The following ABCB11 variants were observed in gnomAD, a reference collection of about 807,000 sequenced individuals.
ABCB11 encodes ATP binding cassette subfamily B member 11.
A neutral mutation model predicts 148.0 loss-of-function variants in ABCB11; 95 were observed. That is an observed-to-expected ratio of 0.64 (90% CI 0.54 to 0.76). The LOEUF (loss-of-function observed/expected upper bound fraction) is 0.76. Ranked by LOEUF, ABCB11 falls within the 30% of genes least tolerant of loss-of-function variation. ABCB11 has a pLI of 0.00. For synonymous variants in ABCB11, 591 were observed against 555.4 expected, an observed-to-expected ratio of 1.06 and a Z score of -0.90; for missense variants, 1,523 against 1,617.8, an observed-to-expected ratio of 0.94 and a Z score of 1.01.
At chr2:168,959,659 A>G (rs1214428846) in intron 18 of ABCB11, among the ~76,000 whole-genome samples, 1 of 151,606 alleles carries the variant, frequency 6.6e-6, no homozygotes, top group Non-Finnish European at 1.5e-5. Context: ...GAGGACAAAG[A>G]AGATGTCTTC....
chr2:168,947,408 T>C (rs1189661945), intron 19 of ABCB11, among the ~76,000 whole-genome samples: 1 of 151,642 alleles, frequency 6.6e-6, no homozygotes, highest in Non-Finnish European at 1.5e-5. Context: ...TTGGCACATT[T>C]TCCAAGTCAA....
chr2:168,955,236 A>G (rs1360850720), intron 19 of ABCB11, among the ~76,000 whole-genome samples: 1 of 151,654 alleles, frequency 6.6e-6, no homozygotes. Context: ...TAAATTATTT[A>G]CCCGGCATTT....
chr2:168,949,157 A>T (rs1285074925), intron 19 of ABCB11, among the ~76,000 whole-genome samples: 2 of 151,644 alleles, frequency 1.3e-5, no homozygotes, highest in African/African-American at 4.8e-5. Context: ...TGTGTGTGTG[A>T]ATTTCAGCCA....
chr2:168,974,507 A>C (rs1424284720), intron 12 of ABCB11, among the ~76,000 whole-genome samples: 1 of 151,932 alleles, frequency 6.6e-6, no homozygotes, highest in Admixed American at 6.6e-5. Context: ...TGTGTCACAA[A>C]ACCTCACGCC....
Position 168,923,442 on chromosome 2 carries a change from G to C in ABCB11, c.*180C>G. On this transcript the variant is annotated 3_prime_UTR_variant, in exon 28 of 28. Coordinates refer to ENST00000650372, the MANE Select transcript of ABCB11 (RefSeq NM_003742.4). ...ACACATCTAAAGCAGAATTATTATG[G>C]AAGGCCATTAGAAATTAGCTTGGAT... The C allele has an allele frequency of 1.6e-6, 1 of 636,036 alleles. No homozygotes were observed. The highest frequency in any genetic ancestry group is 2.7e-5 in the East Asian group (1 of 36,578). 39.4% of individuals were successfully genotyped at this position (636,036 alleles called of 1,614,324 possible). A position where few individuals can be genotyped will look rare whatever the true frequency, so the allele number is the denominator to read the frequency against.
chr2:169,008,208 C>T (rs755343595), intron 5 of ABCB11, among the ~76,000 whole-genome samples: 55 of 152,118 alleles, frequency 3.6e-4, no homozygotes, highest in Non-Finnish European at 7.1e-4. Flanking sequence ...AGATGTATCC[C>T]CTCACATGCC....
At position 168,923,467 on chromosome 2, in the gene ABCB11, T is replaced by C. The variant is rs1001714565; in HGVS notation, c.*155A>G. Reference sequence around the variant, plus strand: ...GAAGGCCATTAGAAATTAGCTTGGATTCCGATGTAGGAAAATGACTGTAAA... The same window carrying C: ...GAAGGCCATTAGAAATTAGCTTGGACTCCGATGTAGGAAAATGACTGTAAA... On this transcript the variant is annotated 3_prime_UTR_variant, in exon 28 of 28. Coordinates refer to ENST00000650372, the MANE Select transcript of ABCB11 (RefSeq NM_003742.4). The C allele has an allele frequency of 1.4e-6, 1 of 690,726 alleles. No homozygotes were observed. The allele number at this position is 690,726 out of a possible 1,614,324, so 42.8% of individuals were successfully genotyped here.
Position 168,990,825 on chromosome 2 carries a change from C to T in ABCB11, c.884G>A (p.Gly295Asp), listed in dbSNP as rs781303951. 16 of 1,613,002 alleles carry T rather than the reference C, an allele frequency of 9.9e-6. No individual in the cohort carries two copies. Among genetic ancestry groups the T allele is most frequent in the South Asian group, 1.1e-5 (1 of 91,052 alleles). ...CCTTTCAACCTCTCTTTTCTCACCACCAAAAGCAGCCACTGTTCTCATTGA... is the reference window on the plus strand; with the variant it reads ...CCTTTCAACCTCTCTTTTCTCACCATCAAAAGCAGCCACTGTTCTCATTGA... ...ISSMRTVAAFGGEKREVERYE... is the reference protein window; with the variant it reads ...ISSMRTVAAFDGEKREVERYE... Residue 295 changes from glycine to aspartate, a missense_variant, in exon 9 of 28, where the codon GGT becomes GAT. Physicochemically the swap from Gly to Asp is moderately conservative, Grantham distance 94. Coordinates refer to ENST00000650372, the MANE Select transcript of ABCB11 (RefSeq NM_003742.4).
At chr2:168,997,148 A>G (rs1259230950) in intron 5 of ABCB11, among the ~76,000 whole-genome samples, 2 of 152,088 alleles carry the variant, frequency 1.3e-5, no homozygotes, top group Non-Finnish European at 2.9e-5. Flanking sequence ...AAAGCCAGAC[A>G]GGCTGTCTGA....
At chr2:169,017,300 T>A (rs1695393265) in intron 2 of ABCB11, among the ~76,000 whole-genome samples, 1 of 152,096 alleles carries the variant, frequency 6.6e-6, no homozygotes, top group South Asian at 2.1e-4. Flanking sequence ...CCACATACTG[T>A]TTTCCCCAGT....
At chr2:168,970,778 G>A (rs1002215157) in intron 14 of ABCB11, among the ~76,000 whole-genome samples, 1 of 151,964 alleles carries the variant, frequency 6.6e-6, no homozygotes, top group Admixed American at 6.6e-5. Context: ...CCCCTACTAT[G>A]AATAAAGCAT....
At chr2:169,001,086 T>A (rs1694857214) in intron 5 of ABCB11, among the ~76,000 whole-genome samples, 1 of 152,190 alleles carries the variant, frequency 6.6e-6, no homozygotes, top group African/African-American at 2.4e-5. Flanking sequence ...GTGAAATATA[T>A]AAAGATTACC....
At chr2:168,968,064 T>C (rs1000167579) in intron 17 of ABCB11, among the ~76,000 whole-genome samples, 6 of 151,946 alleles carry the variant, frequency 3.9e-5, no homozygotes, top group African/African-American at 1.4e-4. Context: ...AGGCATGAAT[T>C]TGACCTTCAC....
intron 1 of ABCB11, among the ~76,000 whole-genome samples, chr2:169,024,389 A>T (rs1393236095): frequency 6.6e-6 from 1 of 152,090 alleles, no homozygotes; most frequent in Non-Finnish European, 1.5e-5. Context: ...ACAGAAAATA[A>T]TTTTTTTCTT....
At chr2:169,020,985 C>T (rs1240577737) in intron 1 of ABCB11, among the ~76,000 whole-genome samples, 1 of 149,726 alleles carries the variant, frequency 6.7e-6, no homozygotes, top group Non-Finnish European at 1.5e-5. Flanking sequence ...TTTTCTGAGA[C>T]CAAGTCTTGC....
At chr2:168,927,446 G>T in intron 25 of ABCB11, 84 bp from the exon 26 acceptor site, 1 of 1,172,670 alleles carries the variant, frequency 8.5e-7, no homozygotes, top group Non-Finnish European at 1.2e-6. Flanking sequence ...TAGGTGTTAT[G>T]CAGGACATTT....
intron 19 of ABCB11, among the ~76,000 whole-genome samples, chr2:168,948,891 C>G (rs1331839424): frequency 6.6e-6 from 1 of 151,616 alleles, no homozygotes; most frequent in Non-Finnish European, 1.5e-5. Flanking sequence ...TGTGGATTAT[C>G]CAGGTTTTTC....
intron 5 of ABCB11, among the ~76,000 whole-genome samples, chr2:169,001,879 C>T (rs931070077): frequency 1.3e-5 from 2 of 152,084 alleles, no homozygotes; most frequent in African/African-American, 4.8e-5. Flanking sequence ...CTCCTGAGGG[C>T]TCTAGCCAGT....
chr2:168,986,208 C>A lies in ABCB11; in HGVS notation c.985G>T (p.Val329Leu). Residue 329 changes from valine (V) to leucine (L), a missense_variant, in exon 10 of 28, where the codon GTG becomes TTG. Physicochemically the swap from Val to Leu is conservative, Grantham distance 32. Coordinates refer to ENST00000650372, the MANE Select transcript of ABCB11 (RefSeq NM_003742.4). ...GIVMGFFTGFVWCLIFLCYAL... is the reference protein window; with the variant it reads ...GIVMGFFTGFLWCLIFLCYAL... The stretch of plus-strand genomic sequence containing the variant: ...TAACACAAAAAGATGAGACACCACA[C>A]GAATCCAGTAAAGAATCCCATCACT... 6.2e-7 allele frequency: 1 copy of A among 1,613,342 alleles called. No individual in the cohort carries two copies. The highest frequency in any genetic ancestry group is 8.5e-7 in the Non-Finnish European group (1 of 1,179,566).
Sources: allele counts gnomAD v4.1 joint callset (sites outside exome capture counted in the v4.1 genomes callset), GRCh38; gene constraint gnomAD v4.1.1; transcripts MANE v1.5; gene names NCBI Gene and HGNC (gene_info 2026-07-23, HGNC 2026-07-21).